Variants in GALNT14 observed in about 807,000 individuals in gnomAD.
GALNT14 encodes the protein UDP-GalNAc:polypeptide N-acetylgalactosaminyltransferase 14.
GALNT14 carries 60 observed loss-of-function variants against 77.5 expected under a neutral mutation model. The observed-to-expected ratio is 0.77, with a 90% CI of 0.63 to 0.96. The LOEUF is 0.96. Ranked by LOEUF, GALNT14 falls within the 40% of genes least tolerant of loss-of-function variation. The probability of loss-of-function intolerance (pLI) is 0.00; values close to 1 mark genes in which losing one functional copy is unlikely to be tolerated. For missense variants in GALNT14, 710 were observed against 731.0 expected, an observed-to-expected ratio of 0.97 and a Z score of 0.33; for synonymous variants, 280 against 281.7, an observed-to-expected ratio of 0.99 and a Z score of 0.06.
chr2:31,097,538 A>T (rs898695319), intron 1 of GALNT14, among the ~76,000 whole-genome samples: 4 of 151,660 alleles, frequency 2.6e-5, no homozygotes, highest in Non-Finnish European at 5.9e-5. Context: ...AAAAAAAAAA[A>T]TTGAATGAAA....
At chr2:31,010,161 T>C (rs1270992869) in intron 1 of GALNT14, among the ~76,000 whole-genome samples, 1 of 152,202 alleles carries the variant, frequency 6.6e-6, no homozygotes, top group Non-Finnish European at 1.5e-5. Flanking sequence ...AATTTTTGTA[T>C]CTTTTTAGTA....
intron 9 of GALNT14, among the ~76,000 whole-genome samples, chr2:30,935,610 G>A (rs996412795): frequency 3.3e-5 from 5 of 152,200 alleles, no homozygotes; most frequent in Non-Finnish European, 7.3e-5. Context: ...TGAGGGATGC[G>A]GCTTGGAGTT....
rs181788883 is a variant in GALNT14, at chr2:30,942,095, T to C, written c.931+106A>G. On this transcript the variant is annotated intron_variant, in intron 9 of 14. Transcript: ENST00000349752. ...CCCAGGACCTCATCCAAAGCACGTGTCACTCTCTGACAGCTTGGTGTTGGA... is the reference window on the plus strand; with the variant it reads ...CCCAGGACCTCATCCAAAGCACGTGCCACTCTCTGACAGCTTGGTGTTGGA... 6.8e-4 allele frequency: 487 copies of C among 721,176 alleles called. 1 individual carries two copies. The African/African-American group carries it at 7.8e-3, about 12-fold the overall frequency. 44.7% of individuals were successfully genotyped at this position (721,176 alleles called of 1,614,324 possible). A position where few individuals can be genotyped will look rare whatever the true frequency, so the allele number is the denominator to read the frequency against.
chr2:30,929,366 T>C (rs751107921), intron 11 of GALNT14, 29 bp downstream of exon 11: 2 of 1,578,204 alleles, frequency 1.3e-6, no homozygotes, highest in Non-Finnish European at 1.7e-6. Flanking sequence ...TTGCAGTCTC[T>C]GCCCTCCTCA....
chr2:31,078,861 G>A, intron 1 of GALNT14: 1 of 1,240,708 alleles, frequency 8.1e-7, no homozygotes, highest in Admixed American at 2.3e-5. Context: ...GCACAGGAGA[G>A]CAGGGGAAAG....
chr2:30,916,315 G>A lies in GALNT14; in HGVS notation c.1381-3973C>T, dbSNP rs112479633. On this transcript the variant is annotated intron_variant, in intron 13 of 14. Coordinates refer to ENST00000349752, the MANE Select transcript of GALNT14 (RefSeq NM_024572.4). ...ATTTCCAGGTTTTCTCTCTGTGCCC[G>A]GTTACAGAAATAAACTCTCTTCTTT... is the stretch of plus-strand genomic sequence containing the variant. 2.9e-3 allele frequency among the ~76,000 whole-genome samples: 437 copies of A among 152,328 alleles called. 4 individuals carry two copies. Among genetic ancestry groups the A allele is most frequent in the African/African-American group, 9.7e-3 (405 of 41,576 alleles).
At position 30,939,379 on chromosome 2, in the gene GALNT14, C is replaced by G. The variant is rs74828978; in HGVS notation, c.931+2822G>C. Among the ~76,000 whole-genome samples the G allele has an allele frequency of 1.1e-3, 161 of 152,224 alleles. 2 individuals carry two copies. The East Asian group carries it at 0.028, about 27-fold the overall frequency. ...GAGTAACTTTGGTGGAAAAGGGAAG[C>G]TAGGTCCTAATAGTGGGTTGGACTC... is the stretch of plus-strand genomic sequence containing the variant. On this transcript the variant is annotated intron_variant, in intron 9 of 14. Transcript: ENST00000349752.
chr2:31,115,260 A>C (rs185341184), intron 1 of GALNT14, among the ~76,000 whole-genome samples: 2 of 151,620 alleles, frequency 1.3e-5, no homozygotes, highest in East Asian at 1.9e-4. Context: ...CAAAAAAATT[A>C]CAAAAAAAAA....
chr2:30,988,211 G>A (rs1669437778), intron 2 of GALNT14, among the ~76,000 whole-genome samples: 1 of 152,212 alleles, frequency 6.6e-6, no homozygotes, highest in African/African-American at 2.4e-5. Context: ...GGAAAGCACT[G>A]TAGGAGATGC....
intron 1 of GALNT14, among the ~76,000 whole-genome samples, chr2:31,021,590 G>A (rs1343763208): frequency 6.6e-6 from 1 of 152,168 alleles, no homozygotes; most frequent in African/African-American, 2.4e-5. Context: ...ATAGGCATGA[G>A]CCACCATGGC....
chr2:30,982,267 G>T (rs1393632383), intron 2 of GALNT14, among the ~76,000 whole-genome samples: 3 of 152,168 alleles, frequency 2.0e-5, no homozygotes, highest in African/African-American at 7.2e-5. Flanking sequence ...GGACTCTGCT[G>T]TAAGTACTTC....
chr2:31,117,652 TA>T (rs1360723756), intron 1 of GALNT14, among the ~76,000 whole-genome samples: 1 of 152,184 alleles, frequency 6.6e-6, no homozygotes, highest in Non-Finnish European at 1.5e-5. Context: ...GGTAAAATTT[TA>T]AAACCTAAAA....
intron 1 of GALNT14, among the ~76,000 whole-genome samples, chr2:31,071,755 G>C (rs1238879516): frequency 1.3e-5 from 2 of 152,220 alleles, no homozygotes; most frequent in African/African-American, 4.8e-5. Context: ...TGTTCCTTCA[G>C]ACCCAACAGT....
intron 6 of GALNT14, among the ~76,000 whole-genome samples, chr2:30,952,511 CA>C (rs1444340347): frequency 2.0e-5 from 3 of 147,402 alleles, no homozygotes; most frequent in Non-Finnish European, 4.5e-5. Flanking sequence ...ATTGCAAGAA[CA>C]AAAAACCAAA....
At chr2:31,066,707 G>A (rs1190900930) in intron 1 of GALNT14, among the ~76,000 whole-genome samples, 1 of 152,044 alleles carries the variant, frequency 6.6e-6, no homozygotes, top group Non-Finnish European at 1.5e-5. Context: ...TCAGCTGCAG[G>A]TGCACAGAGA....
chr2:31,059,313 A>G (rs2148537128), intron 1 of GALNT14, among the ~76,000 whole-genome samples: 1 of 152,332 alleles, frequency 6.6e-6, no homozygotes. Context: ...TATTTCTAAT[A>G]GAAATAGTCA....
At chr2:31,101,068 A>C (rs1677250691) in intron 1 of GALNT14, among the ~76,000 whole-genome samples, 1 of 152,094 alleles carries the variant, frequency 6.6e-6, no homozygotes, top group African/African-American at 2.4e-5. Flanking sequence ...GTATCAAAGC[A>C]TCATGAGTCA....
intron 1 of GALNT14, among the ~76,000 whole-genome samples, chr2:31,000,204 T>C (rs915122450): frequency 6.6e-6 from 1 of 152,144 alleles, no homozygotes; most frequent in Non-Finnish European, 1.5e-5. Context: ...ACCCTGAGTG[T>C]TCTGGTCCCT....
At chr2:30,976,066 G>A (rs188510162) in intron 2 of GALNT14, among the ~76,000 whole-genome samples, 23 of 152,280 alleles carry the variant, frequency 1.5e-4, no homozygotes, top group Admixed American at 1.5e-3. Context: ...TCAAGGGTTT[G>A]TTCCACTGAA....
Sources: gnomAD v4.1 joint callset for allele counts (sites outside exome capture counted in the v4.1 genomes callset) on GRCh38, gnomAD v4.1.1 for gene constraint, MANE v1.5 for transcripts, NCBI Gene and HGNC (gene_info 2026-07-23, HGNC 2026-07-21) for gene names.